GLIS1: variants seen among roughly 807,000 people sequenced by gnomAD.
GLIS1 encodes GLIS family zinc finger 1, also known as zinc finger protein GLIS1.
GLIS1 carries 24 observed loss-of-function variants against 63.8 expected under a neutral mutation model. That is an observed-to-expected ratio of 0.38 (90% CI 0.27 to 0.53). The LOEUF (loss-of-function observed/expected upper bound fraction) is 0.53, where lower values mean the gene tolerates loss of function less well. GLIS1 is among the 20% of genes least tolerant of loss of function. The pLI, the probability that GLIS1 is intolerant of heterozygous loss-of-function variation, is 0.85. For synonymous variants in GLIS1, 450 were observed against 482.5 expected (o/e 0.93, Z 0.88); for missense variants, 1,036 against 1,074.1 (o/e 0.96, Z 0.50).
chr1:53,587,918 A>G (rs772942270), intron 4 of GLIS1, among the ~76,000 whole-genome samples: 14 of 152,218 alleles, frequency 9.2e-5, no homozygotes, highest in Non-Finnish European at 1.3e-4. Flanking sequence ...GGTCATGGCT[A>G]GTACACAGTC....
chr1:53,626,527 C>T (rs1645595827), intron 2 of GLIS1, among the ~76,000 whole-genome samples: 1 of 152,252 alleles, frequency 6.6e-6, no homozygotes, highest in Non-Finnish European at 1.5e-5. Flanking sequence ...TACCATCCTG[C>T]TCTACCATCT....
At chr1:53,725,735 C>T (rs934904154) in intron 2 of GLIS1, among the ~76,000 whole-genome samples, 4 of 152,222 alleles carry the variant, frequency 2.6e-5, no homozygotes, top group Admixed American at 6.5e-5. Flanking sequence ...AACACAGGTA[C>T]AGCCATTCCA....
intron 4 of GLIS1, among the ~76,000 whole-genome samples, chr1:53,585,414 G>C (rs1645124637): frequency 6.6e-6 from 1 of 151,386 alleles, no homozygotes; most frequent in South Asian, 2.1e-4. Context: ...CAGAGTAAGG[G>C]ATTTGAACCT....
chr1:53,601,743 G>A (rs932857768), intron 2 of GLIS1, among the ~76,000 whole-genome samples: 4 of 152,138 alleles, frequency 2.6e-5, no homozygotes, highest in East Asian at 3.8e-4. Context: ...CAAACCCCAC[G>A]TCTTAATCGC....
At chr1:53,678,743 C>A (rs952756236) in intron 2 of GLIS1, among the ~76,000 whole-genome samples, 2 of 152,210 alleles carry the variant, frequency 1.3e-5, no homozygotes, top group African/African-American at 4.8e-5. Context: ...CAGACAAGAA[C>A]AGCCGGGAGC....
chr1:53,550,373 C>T (rs1294213719), intron 4 of GLIS1, among the ~76,000 whole-genome samples: 6 of 152,186 alleles, frequency 3.9e-5, no homozygotes, highest in Non-Finnish European at 8.8e-5. Context: ...CTGCTGGGAA[C>T]AGAGGCCTCT....
intron 2 of GLIS1, among the ~76,000 whole-genome samples, chr1:53,607,526 G>A (rs752949076): frequency 6.6e-6 from 1 of 152,214 alleles, no homozygotes; most frequent in Non-Finnish European, 1.5e-5. Flanking sequence ...TACAGTGCTA[G>A]GCTCTTTCCG....
intron 6 of GLIS1, among the ~76,000 whole-genome samples, chr1:53,523,217 G>A (rs1644429583): frequency 6.6e-6 from 1 of 152,062 alleles, no homozygotes; most frequent in African/African-American, 2.4e-5. Context: ...GAACATGGAG[G>A]TGGTGTTTCA....
chr1:53,696,575 A>G (rs1287982594), intron 2 of GLIS1, among the ~76,000 whole-genome samples: 1 of 151,906 alleles, frequency 6.6e-6, no homozygotes, highest in Admixed American at 6.6e-5. Flanking sequence ...GGCCCCCTCT[A>G]CCTACAGGAA....
chr1:53,674,265 C>CT (rs1646188115), intron 2 of GLIS1, among the ~76,000 whole-genome samples: 2 of 151,984 alleles, frequency 1.3e-5, no homozygotes, highest in East Asian at 3.9e-4. Flanking sequence ...TTGATCAGTG[C>CT]TACCCAACGT....
At chr1:53,715,057 C>T (rs1334757303) in intron 2 of GLIS1, among the ~76,000 whole-genome samples, 1 of 152,208 alleles carries the variant, frequency 6.6e-6, no homozygotes, top group East Asian at 1.9e-4. Flanking sequence ...TTAGGGACTA[C>T]AGGTGCATGC....
chr1:53,510,684 C>T lies in GLIS1; in HGVS notation c.1884-657G>A, dbSNP rs529303101. ...TATAGACAAAGTGTGATGTCCAATA[C>T]ATTCTTAGCCACTCCATCAATCATC... is the stretch of plus-strand genomic sequence containing the variant. On this transcript the variant is annotated intron_variant, in intron 8 of 10. Transcript: ENST00000628545. Among the ~76,000 whole-genome samples, 30 of 152,330 alleles carry T rather than the reference C, an allele frequency of 2.0e-4. 1 individual carries two copies. The Middle Eastern group carries it at 0.014, about 69-fold the overall frequency.
intron 2 of GLIS1, among the ~76,000 whole-genome samples, chr1:53,686,200 C>G (rs1453016891): frequency 1.3e-5 from 2 of 152,182 alleles, no homozygotes; most frequent in East Asian, 3.9e-4. Flanking sequence ...TGCCCTGAAG[C>G]TGGGTACTCA....
At chr1:53,707,551 G>A (rs1455101434) in intron 2 of GLIS1, among the ~76,000 whole-genome samples, 1 of 152,072 alleles carries the variant, frequency 6.6e-6, no homozygotes, top group Non-Finnish European at 1.5e-5. Flanking sequence ...TCGGGAGACT[G>A]AGGCAGGAGA....
chr1:53,668,664 T>C (rs1289877719), intron 2 of GLIS1, among the ~76,000 whole-genome samples: 1 of 152,076 alleles, frequency 6.6e-6, no homozygotes, highest in African/African-American at 2.4e-5. Flanking sequence ...CCCAGCCCTA[T>C]GTTTAGATAT....
intron 4 of GLIS1, among the ~76,000 whole-genome samples, chr1:53,549,482 G>GT (rs1421696921): frequency 3.3e-5 from 5 of 152,226 alleles, no homozygotes; most frequent in Admixed American, 2.0e-4. Flanking sequence ...TGGGTGTGAA[G>GT]TGGTAGCTCC....
At position 53,509,210 on chromosome 1, in the gene GLIS1, C is replaced by G; in HGVS notation, c.2140G>C (p.Gly714Arg). 1.3e-6 allele frequency: 2 copies of G among 1,597,726 alleles called. No homozygotes were observed. Among genetic ancestry groups the G allele is most frequent in the South Asian group, 2.3e-5 (2 of 87,984 alleles). ...DCYRMAEPAA[G>R]GDGLVGETHG... ...GTCTCCCCGACCAGTCCGTCCCCAC[C>G]GGCTGCTGGTTCAGCCATCCGGTAG... Residue 714 changes from glycine (G) to arginine (R), a missense_variant, in exon 10 of 11, where the codon GGT (glycine) becomes CGT (arginine). Physicochemically the swap from Gly to Arg is moderately radical, Grantham distance 125 (BLOSUM62 -2). Coordinates refer to ENST00000628545, the MANE Select transcript of GLIS1 (RefSeq NM_001367484.1).
intron 2 of GLIS1, among the ~76,000 whole-genome samples, chr1:53,689,013 C>T (rs1449850083): frequency 1.3e-5 from 2 of 152,226 alleles, no homozygotes; most frequent in Non-Finnish European, 2.9e-5. Context: ...CCAGGGTCCA[C>T]ATTCTTCCTC....
chr1:53,634,370 C>T lies in GLIS1; in HGVS notation c.260-34092G>A, dbSNP rs139496591. On this transcript the variant is annotated intron_variant, in intron 2 of 10. Transcript: ENST00000628545. ...GAAAAGAAAGGGTCCAAGGGCTAAA[C>T]CCTGAGCTCGCCAATGTTTAGAAGT... Among the ~76,000 whole-genome samples, 415 of 152,282 alleles carry T rather than the reference C, an allele frequency of 2.7e-3. 2 individuals carry two copies. The highest frequency in any genetic ancestry group is 8.6e-3 in the African/African-American group (358 of 41,556).
Sources: gnomAD v4.1 joint callset for allele counts (sites outside exome capture counted in the v4.1 genomes callset) on GRCh38, gnomAD v4.1.1 for gene constraint, MANE v1.5 for transcripts, NCBI Gene and HGNC (gene_info 2026-07-23, HGNC 2026-07-21) for gene names.